The following AKT3 variants were observed in gnomAD, a reference collection of about 807,000 sequenced individuals.
AKT3 encodes the protein AKT serine/threonine kinase 3, also known as RAC-gamma serine/threonine-protein kinase.
A neutral mutation model predicts 65.3 loss-of-function variants in AKT3; 15 were observed. That is an observed-to-expected ratio of 0.23 (90% CI 0.15 to 0.35). The LOEUF (loss-of-function observed/expected upper bound fraction) is 0.35, where lower values mean the gene tolerates loss of function less well. Among genes scored for constraint, AKT3 ranks in the 10% least tolerant of loss-of-function variants. The pLI is 1.00. For synonymous variants in AKT3, 206 were observed against 183.8 expected (o/e 1.12, Z -0.98); for missense variants, 243 against 576.5 (o/e 0.42, Z 5.92).
intron 3 of AKT3, among the ~76,000 whole-genome samples, chr1:243,683,813 C>T (rs886468479): frequency 1.3e-5 from 2 of 152,176 alleles, no homozygotes; most frequent in Non-Finnish European, 2.9e-5. Context: ...CCATTGCATC[C>T]TCCACCTCTC....
intron 9 of AKT3, among the ~76,000 whole-genome samples, chr1:243,564,076 T>C (rs180878527): frequency 3.3e-5 from 5 of 152,330 alleles, no homozygotes; most frequent in Admixed American, 3.3e-4. Context: ...CCGATGGGAA[T>C]AAGTGATATA....
At chr1:243,799,374 T>C (rs1012389909) in intron 2 of AKT3, among the ~76,000 whole-genome samples, 3 of 152,362 alleles carry the variant, frequency 2.0e-5, no homozygotes, top group Admixed American at 6.5e-5. Context: ...TTTAATTTCA[T>C]TGAACGTTTA....
intron 8 of AKT3, among the ~76,000 whole-genome samples, chr1:243,600,199 T>C (rs1676911231): frequency 1.3e-5 from 2 of 152,084 alleles, no homozygotes; most frequent in Admixed American, 6.6e-5. Context: ...TATTTATGAA[T>C]CAGAAGACAA....
chr1:243,656,774 AGT>A (rs1681832618), intron 4 of AKT3, among the ~76,000 whole-genome samples: 2 of 152,218 alleles, frequency 1.3e-5, no homozygotes, highest in African/African-American at 4.8e-5. Flanking sequence ...TCTGTATGTG[AGT>A]GTGAGTGTCG....
chr1:243,552,196 G>C (rs1673121337), intron 11 of AKT3, among the ~76,000 whole-genome samples: 1 of 129,728 alleles, frequency 7.7e-6, no homozygotes, highest in African/African-American at 2.8e-5. Context: ...GGCTGAGGCA[G>C]GAAAATCACC....
chr1:243,639,515 A>T (rs181671235), intron 5 of AKT3, among the ~76,000 whole-genome samples: 1 of 152,202 alleles, frequency 6.6e-6, no homozygotes, highest in East Asian at 1.9e-4. Flanking sequence ...GATGGTGATG[A>T]AAGTGACCTC....
chr1:243,698,651 TACTC>T (rs1341098730), intron 2 of AKT3, among the ~76,000 whole-genome samples: 1 of 152,094 alleles, frequency 6.6e-6, no homozygotes, highest in African/African-American at 2.4e-5. Flanking sequence ...GATAGTGATG[TACTC>T]ACTCACATAG....
chr1:243,778,275 T>TA (rs772510554), intron 2 of AKT3, among the ~76,000 whole-genome samples: 2 of 152,078 alleles, frequency 1.3e-5, no homozygotes, highest in Non-Finnish European at 2.9e-5. Context: ...CTAAGTACAA[T>TA]AAAAAAGCTA....
intron 6 of AKT3, among the ~76,000 whole-genome samples, chr1:243,630,970 G>A (rs1679560935): frequency 8.8e-6 from 1 of 113,674 alleles, no homozygotes; most frequent in Admixed American, 9.9e-5. Context: ...CAACCAAATA[G>A]CCTCTTTTTT....
intron 3 of AKT3, among the ~76,000 whole-genome samples, chr1:243,676,077 C>G (rs1683490564): frequency 6.6e-6 from 1 of 152,084 alleles, no homozygotes; most frequent in Non-Finnish European, 1.5e-5. Flanking sequence ...AAACAATAAA[C>G]AAGCAAAACA....
chr1:243,562,941 G>A (rs1379716908), intron 10 of AKT3, among the ~76,000 whole-genome samples: 1 of 152,114 alleles, frequency 6.6e-6, no homozygotes, highest in African/African-American at 2.4e-5. Context: ...TATTAGGGTG[G>A]TTTGTTACAC....
At chr1:243,850,714 C>T (rs940606126), upstream of AKT3, among the ~76,000 whole-genome samples, 5 of 151,922 alleles carry the variant, frequency 3.3e-5, no homozygotes, top group African/African-American at 1.2e-4. Flanking sequence ...CGCCTCTGCT[C>T]CCCTCCCTGC....
chr1:243,590,775 G>A (rs906108440), intron 8 of AKT3, among the ~76,000 whole-genome samples: 1 of 152,168 alleles, frequency 6.6e-6, no homozygotes, highest in Non-Finnish European at 1.5e-5. Flanking sequence ...TCAGTGACCT[G>A]TTGGACAGTA....
chr1:243,666,244 T>G (rs920458984), intron 3 of AKT3, among the ~76,000 whole-genome samples: 4 of 152,086 alleles, frequency 2.6e-5, no homozygotes, highest in African/African-American at 9.7e-5. Context: ...CCTCAAGTGA[T>G]CCGCCCGCCT....
At chr1:243,652,047 C>CTTTT (rs74162302) in intron 4 of AKT3, among the ~76,000 whole-genome samples, 2 of 135,928 alleles carry the variant, frequency 1.5e-5, no homozygotes. Context: ...GAAAAGAATT[C>CTTTT]TTTTTTTTTT....
chr1:243,532,028 G>A (rs1449666658), intron 12 of AKT3, among the ~76,000 whole-genome samples: 2 of 152,146 alleles, frequency 1.3e-5, no homozygotes, highest in Non-Finnish European at 2.9e-5. Context: ...ATGTTTTAGG[G>A]TTTTCTACAT....
chr1:243,552,246 G>A (rs1279708522), intron 11 of AKT3, among the ~76,000 whole-genome samples: 2 of 112,830 alleles, frequency 1.8e-5, no homozygotes, highest in Non-Finnish European at 3.3e-5. Flanking sequence ...TCAAGATCGC[G>A]CCACTGCACT....
intron 8 of AKT3, among the ~76,000 whole-genome samples, chr1:243,593,100 CT>C (rs1181104841): frequency 2.3e-4 from 35 of 152,122 alleles, no homozygotes; most frequent in Admixed American, 8.5e-4. Flanking sequence ...TCCACCACCC[CT>C]TTAAAGAAGA....
chr1:243,640,082 T>C (rs1332554479), intron 5 of AKT3, among the ~76,000 whole-genome samples: 3 of 152,146 alleles, frequency 2.0e-5, no homozygotes, highest in African/African-American at 7.2e-5. Context: ...AAATGTCAAA[T>C]TAAAGTGTCT....
Sources: gnomAD v4.1 joint callset for allele counts (sites outside exome capture counted in the v4.1 genomes callset) on GRCh38, gnomAD v4.1.1 for gene constraint, MANE v1.5 for transcripts, NCBI Gene and HGNC (gene_info 2026-07-23, HGNC 2026-07-21) for gene names.